Variants in OCA2 observed in about 807,000 individuals in gnomAD.
OCA2 encodes OCA2 melanosomal transmembrane protein, also known as P protein.
A neutral mutation model predicts 100.2 loss-of-function variants in OCA2; 77 were observed. The observed-to-expected ratio is 0.77, with a 90% CI of 0.64 to 0.93. OCA2 has a LOEUF of 0.93. OCA2 is among the 40% of genes least tolerant of loss of function. The pLI, the probability that OCA2 is intolerant of heterozygous loss-of-function variation, is 0.00. For synonymous variants in OCA2, 432 were observed against 439.2 expected (o/e 0.98, Z 0.21); for missense variants, 1,062 against 1,089.1 (o/e 0.98, Z 0.35).
At chr15:27,721,907 C>T in the OCA2 span, among the ~76,000 whole-genome samples, 1 of 152,154 alleles carries the variant, frequency 6.6e-6, no homozygotes, top group African/African-American at 2.4e-5. Context: ...TCTATCTACA[C>T]ACCCACTTTT....
intron 18 of OCA2, among the ~76,000 whole-genome samples, chr15:27,931,136 C>G (rs1283985645): frequency 6.6e-6 from 1 of 151,812 alleles, no homozygotes; most frequent in Non-Finnish European, 1.5e-5. Context: ...GGCCGGCTTG[C>G]AACTAGGAGA....
intron 18 of OCA2, among the ~76,000 whole-genome samples, chr15:27,947,638 C>T (rs966045388): frequency 1.3e-5 from 2 of 152,222 alleles, no homozygotes; most frequent in African/African-American, 4.8e-5. Context: ...CAGCTGGACA[C>T]ATGCACTCTG....
At chr15:27,889,803 C>G (rs1006024489) in intron 19 of OCA2, among the ~76,000 whole-genome samples, 6 of 152,216 alleles carry the variant, frequency 3.9e-5, no homozygotes, top group Admixed American at 2.6e-4. Flanking sequence ...GGTCCATGGA[C>G]AGGCTGGACA....
At chr15:28,041,290 C>T (rs544032031) in intron 2 of OCA2, among the ~76,000 whole-genome samples, 3 of 148,270 alleles carry the variant, frequency 2.0e-5, no homozygotes, top group Non-Finnish European at 4.4e-5. Flanking sequence ...GCAGGAAAAA[C>T]ATTTGACAAA....
intron 2 of OCA2, among the ~76,000 whole-genome samples, chr15:28,080,758 C>G (rs1162406048): frequency 6.6e-6 from 1 of 152,216 alleles, no homozygotes; most frequent in Non-Finnish European, 1.5e-5. Flanking sequence ...TATGGCCCAA[C>G]AAAGACAGTC....
rs1036237889 is a variant in OCA2 at position 27,805,574 on chromosome 15, T to A, written c.2432+39385A>T. 7.2e-5 allele frequency among the ~76,000 whole-genome samples: 11 copies of A among 152,214 alleles called. No individual in the cohort carries two copies. The East Asian group carries it at 2.1e-3, about 30-fold the overall frequency. On this transcript the variant is annotated intron_variant, in intron 23 of 23. Transcript: ENST00000354638. ...CAGGATGTGGCAGCTGCCCGGGTGT[T>A]GGCGGGAGGGGAGGAGGACCTATGG...
chr15:27,752,407 C>G (rs548215733), downstream of OCA2, among the ~76,000 whole-genome samples: 1 of 152,224 alleles, frequency 6.6e-6, no homozygotes, highest in Non-Finnish European at 1.5e-5. Flanking sequence ...ATTCTGTAGA[C>G]AGCGTCAGGA....
chr15:27,909,347 A>G (rs1253122705), intron 19 of OCA2, among the ~76,000 whole-genome samples: 1 of 152,234 alleles, frequency 6.6e-6, no homozygotes, highest in Non-Finnish European at 1.5e-5. Context: ...TATGAATTCA[A>G]TGCAATCTTG....
intron 19 of OCA2, among the ~76,000 whole-genome samples, chr15:27,881,312 T>C (rs1045666227): frequency 6.7e-6 from 1 of 149,052 alleles, no homozygotes; most frequent in Non-Finnish European, 1.5e-5. Flanking sequence ...GATATTGGCC[T>C]GAAGTTTTCT....
chr15:28,074,782 G>A lies in OCA2; in HGVS notation c.227+6866C>T, dbSNP rs376575246. Among the ~76,000 whole-genome samples, 241 of 152,176 alleles carry A rather than the reference G, an allele frequency of 1.6e-3. 2 individuals are homozygous for A. The highest frequency in any genetic ancestry group is 5.7e-3 in the African/African-American group (236 of 41,518). ...GAATCGCTTGAACCCAGAAGGCAGAGGTTGCAGTAAGCCGAGATAACACCA... is the reference window on the plus strand; with the variant it reads ...GAATCGCTTGAACCCAGAAGGCAGAAGTTGCAGTAAGCCGAGATAACACCA... On this transcript the variant is annotated intron_variant, in intron 2 of 23. Coordinates refer to ENST00000354638, the MANE Select transcript of OCA2 (RefSeq NM_000275.3).
intron 22 of OCA2, among the ~76,000 whole-genome samples, chr15:27,850,318 C>T (rs1595513997): frequency 6.6e-6 from 1 of 152,316 alleles, no homozygotes; most frequent in East Asian, 1.9e-4. Flanking sequence ...CCATCCTCCC[C>T]ACTCGACAGC....
At chr15:27,848,437 A>G (rs2035615482) in intron 22 of OCA2, among the ~76,000 whole-genome samples, 1 of 152,164 alleles carries the variant, frequency 6.6e-6, no homozygotes, top group African/African-American at 2.4e-5. Context: ...CATGGGCTCC[A>G]TGTGGTAGGG....
At chr15:27,880,395 T>C (rs1174439450) in intron 19 of OCA2, among the ~76,000 whole-genome samples, 1 of 152,226 alleles carries the variant, frequency 6.6e-6, no homozygotes, top group Non-Finnish European at 1.5e-5. Context: ...GTGAAGAATG[T>C]CAATGGTAGT....
the OCA2 span, among the ~76,000 whole-genome samples, chr15:27,747,232 C>T: frequency 6.6e-6 from 1 of 152,256 alleles, no homozygotes; most frequent in Admixed American, 6.5e-5. Context: ...TCACATGGGG[C>T]AAGGACCCCT....
intron 19 of OCA2, among the ~76,000 whole-genome samples, chr15:27,921,311 G>C (rs994854925): frequency 4.6e-5 from 7 of 151,838 alleles, no homozygotes; most frequent in Non-Finnish European, 1.0e-4. Context: ...ATTTGGACTG[G>C]TGAAAGAAAA....
intron 18 of OCA2, among the ~76,000 whole-genome samples, chr15:27,945,317 G>A (rs545814059): frequency 3.4e-4 from 52 of 152,214 alleles, no homozygotes; most frequent in Non-Finnish European, 5.4e-4. Flanking sequence ...ACTCCTCTTC[G>A]CCTGGAAATT....
intron 2 of OCA2, among the ~76,000 whole-genome samples, chr15:28,054,720 C>A (rs2043633572): frequency 6.6e-6 from 1 of 151,976 alleles, no homozygotes; most frequent in African/African-American, 2.4e-5. Flanking sequence ...CTTTTTGTTA[C>A]TGTATTAGCC....
intron 21 of OCA2, among the ~76,000 whole-genome samples, chr15:27,852,103 C>T (rs1006674961): frequency 1.3e-5 from 2 of 152,218 alleles, no homozygotes; most frequent in African/African-American, 4.8e-5. Flanking sequence ...TCTAGTCAGC[C>T]GTGCCAGCCT....
rs560030075 is a variant in OCA2 at position 27,820,231 on chromosome 15, G to A, written c.2432+24728C>T. On this transcript the variant is annotated intron_variant, in intron 23 of 23. Coordinates refer to ENST00000354638, the MANE Select transcript of OCA2 (RefSeq NM_000275.3). ...TTCTAAAGATACTTCCTCCTCGAGC[G>A]GGGAGCAAAGCTCCCTACCCGTTAA... Among the ~76,000 whole-genome samples, 73 of 152,284 alleles carry A rather than the reference G, an allele frequency of 4.8e-4. No homozygotes were observed. The South Asian group carries it at 0.012, about 26-fold the overall frequency.
Sources: allele counts gnomAD v4.1 joint callset (sites outside exome capture counted in the v4.1 genomes callset), GRCh38; gene constraint gnomAD v4.1.1; transcripts MANE v1.5; gene names NCBI Gene and HGNC (gene_info 2026-07-23, HGNC 2026-07-21).